The following ENOPH1 variants were observed in gnomAD, a reference collection of about 807,000 sequenced individuals.
The protein encoded by ENOPH1 is enolase-phosphatase 1.
In ENOPH1, 14 loss-of-function variants were observed where a neutral mutation model predicts 31.1. The ratio of observed to expected loss-of-function variants is 0.45; its 90% confidence interval spans 0.30 to 0.70. The LOEUF is 0.70. Among genes scored for constraint, ENOPH1 ranks in the 30% least tolerant of loss-of-function variants. The pLI, the probability that ENOPH1 is intolerant of heterozygous loss-of-function variation, is 0.09. For synonymous variants in ENOPH1, 127 were observed against 123.2 expected, an observed-to-expected ratio of 1.03 and a Z score of -0.21; for missense variants, 243 against 321.5, an observed-to-expected ratio of 0.76 and a Z score of 1.87.
At chr4:82,450,501 C>T (rs780467016) in intron 2 of ENOPH1, among the ~76,000 whole-genome samples, 6 of 152,196 alleles carry the variant, frequency 3.9e-5, no homozygotes, top group Non-Finnish European at 5.9e-5. Flanking sequence ...AATATGTACA[C>T]ATGTATCTTT....
At chr4:82,431,124 G>T (rs542223276) in intron 1 of ENOPH1, among the ~76,000 whole-genome samples, 215 of 152,292 alleles carry the variant, frequency 1.4e-3, no homozygotes, top group Non-Finnish European at 2.6e-3. Context: ...CCGCCCTTGC[G>T]CTTGGTTGGA....
chr4:82,444,095 G>A lies in ENOPH1; in HGVS notation c.85-3825G>A, dbSNP rs573509962. 1.7e-4 allele frequency among the ~76,000 whole-genome samples: 26 copies of A among 152,284 alleles called. No homozygotes were observed. In the East Asian group the frequency reaches 4.4e-3, roughly 26 times the overall value. On this transcript the variant is annotated intron_variant, in intron 1 of 5. Transcript: ENST00000273920. ...TCGCCATGTTGGCCAGGCTGGTCTCGAACTCCTGACTTCAAGTGATCCACC... is the reference window on the plus strand; with the variant it reads ...TCGCCATGTTGGCCAGGCTGGTCTCAAACTCCTGACTTCAAGTGATCCACC...
chr4:82,444,383 C>A (rs563145448), intron 1 of ENOPH1, among the ~76,000 whole-genome samples: 1 of 152,064 alleles, frequency 6.6e-6, no homozygotes, highest in African/African-American at 2.4e-5. Flanking sequence ...CACCACGCCC[C>A]GACTAATTTT....
intron 4 of ENOPH1, among the ~76,000 whole-genome samples, chr4:82,455,300 T>C (rs1722455894): frequency 6.6e-6 from 1 of 152,172 alleles, no homozygotes; most frequent in African/African-American, 2.4e-5. Context: ...AGCCCCTCTG[T>C]GTCATCATCC....
In ENOPH1 at chr4:82,441,439, G is replaced by A. The variant is rs140461008; in HGVS notation, c.85-6481G>A. Among the ~76,000 whole-genome samples the A allele has an allele frequency of 6.6e-5, 10 of 152,190 alleles. 1 individual carries two copies. The highest frequency in any genetic ancestry group is 1.9e-4 in the African/African-American group (8 of 41,516). On this transcript the variant is annotated intron_variant, in intron 1 of 5. Coordinates refer to ENST00000273920, the MANE Select transcript of ENOPH1 (RefSeq NM_021204.5). ...AGATCGAGACCATCCTGTTTAACAC[G>A]GTGAAACCCCGTTTCTGCTAAAAAT...
At position 82,430,800 on chromosome 4, in the gene ENOPH1, A is replaced by G. The variant is rs1309288725; in HGVS notation, c.-30A>G. On this transcript the variant is annotated 5_prime_UTR_variant, in exon 1 of 6. Coordinates refer to ENST00000273920, the MANE Select transcript of ENOPH1 (RefSeq NM_021204.5). The stretch of plus-strand genomic sequence containing the variant: ...GCCGCCCTCCGCCCTCCCCAACAGC[A>G]GGCCGAGTCCCGTAGCATCCGGTAG... 2 of 1,610,052 alleles carry G rather than the reference A, an allele frequency of 1.2e-6. No individual in the cohort carries two copies. Among genetic ancestry groups the G allele is most frequent in the Admixed American group, 3.3e-5 (2 of 59,998 alleles).
intron 1 of ENOPH1, among the ~76,000 whole-genome samples, chr4:82,432,344 C>A (rs1288621976): frequency 1.3e-5 from 2 of 151,906 alleles, no homozygotes; most frequent in African/African-American, 4.8e-5. Context: ...ATTTTCTCCA[C>A]GGTTTTTGTT....
chr4:82,457,461 C>T (rs1722519788), intron 5 of ENOPH1, among the ~76,000 whole-genome samples: 1 of 152,178 alleles, frequency 6.6e-6, no homozygotes, highest in Non-Finnish European at 1.5e-5. Flanking sequence ...CCGCAGTGAG[C>T]CGTGTTTGTG....
rs193041333 is a variant in ENOPH1 at position 82,450,041 on chromosome 4, A to G, written c.187-1002A>G. ...CTGCAGAGCTAACTCACTGGCAGTT[A>G]TTTTCTAGTTCTATATTGGATACTG... On this transcript the variant is annotated intron_variant, in intron 2 of 5. Coordinates refer to ENST00000273920, the MANE Select transcript of ENOPH1 (RefSeq NM_021204.5). Among the ~76,000 whole-genome samples, 3 of 151,840 alleles carry G rather than the reference A, an allele frequency of 2.0e-5. No homozygotes were observed. The East Asian group carries it at 5.8e-4, about 29-fold the overall frequency.
At chr4:82,444,564 TAAA>T (rs1717790462) in intron 1 of ENOPH1, among the ~76,000 whole-genome samples, 1 of 152,206 alleles carries the variant, frequency 6.6e-6, no homozygotes, top group African/African-American at 2.4e-5. Context: ...CACGTGACCG[TAAA>T]GCATATCCAT....
intron 3 of ENOPH1, 38 bp from the exon 4 acceptor site, chr4:82,454,684 G>C: frequency 1.9e-6 from 3 of 1,599,930 alleles, no homozygotes; most frequent in Non-Finnish European, 2.6e-6. Context: ...GGCTAGATGA[G>C]GTGTTCCTGT....
At chr4:82,438,158 C>A (rs553932062) in intron 1 of ENOPH1, among the ~76,000 whole-genome samples, 5 of 152,248 alleles carry the variant, frequency 3.3e-5, no homozygotes, top group East Asian at 3.9e-4. Flanking sequence ...TTCTACCCCC[C>A]CAAATATTCT....
intron 1 of ENOPH1, among the ~76,000 whole-genome samples, chr4:82,434,004 G>A (rs980492801): frequency 2.6e-5 from 4 of 152,082 alleles, no homozygotes; most frequent in African/African-American, 9.7e-5. Flanking sequence ...TACTGTATAC[G>A]TGCAGTACTC....
rs369075081 is a variant in ENOPH1, at chr4:82,450,144, T to G, written c.187-899T>G. 7.2e-4 allele frequency among the ~76,000 whole-genome samples: 110 copies of G among 152,348 alleles called. 2 individuals are homozygous for G. In the South Asian group the frequency reaches 0.022, roughly 31 times the overall value. On this transcript the variant is annotated intron_variant, in intron 2 of 5. Transcript: ENST00000273920. Reference sequence around the variant, plus strand: ...GTTATGTCCTTTGGGCATGGAATATTTGGGATTTTAATTTTCTGGATAACT... The same window carrying G: ...GTTATGTCCTTTGGGCATGGAATATGTGGGATTTTAATTTTCTGGATAACT...
At chr4:82,458,521 AAAAT>A (rs1277193146) in intron 5 of ENOPH1, among the ~76,000 whole-genome samples, 1 of 152,216 alleles carries the variant, frequency 6.6e-6, no homozygotes, top group East Asian at 1.9e-4. Flanking sequence ...AAAACACAAT[AAAAT>A]AAAAAATAAA....
rs567507245 is a variant in ENOPH1 at position 82,442,831 on chromosome 4, TTTG to T, written c.85-5079_85-5077del. 9.8e-4 allele frequency among the ~76,000 whole-genome samples: 149 copies of T among 152,282 alleles called. 1 individual carries two copies. The highest frequency in any genetic ancestry group is 3.1e-3 in the African/African-American group (127 of 41,570). ...GGAACCATCAAGCCAGTTAATTTTG[TTTG>T]TTGTTGTTGAGACAGAGTCCTGCTC... On this transcript the variant is annotated intron_variant, in intron 1 of 5. Coordinates refer to ENST00000273920, the MANE Select transcript of ENOPH1 (RefSeq NM_021204.5).
chr4:82,447,656 T>G (rs1438210497), intron 1 of ENOPH1, among the ~76,000 whole-genome samples: 1 of 152,200 alleles, frequency 6.6e-6, no homozygotes, highest in Non-Finnish European at 1.5e-5. Context: ...AATAAATGAG[T>G]GTGGCTATGT....
chr4:82,432,928 C>A (rs556746090), intron 1 of ENOPH1, among the ~76,000 whole-genome samples: 25 of 152,356 alleles, frequency 1.6e-4, no homozygotes, highest in African/African-American at 5.5e-4. Context: ...CGTTTTTAAT[C>A]ACACCAGAGA....
rs574154738 is a variant in ENOPH1, at chr4:82,457,095, A to G, written c.646+57A>G. On this transcript the variant is annotated intron_variant, in intron 5 of 5. Coordinates refer to ENST00000273920, the MANE Select transcript of ENOPH1 (RefSeq NM_021204.5). ...CAGGATATGAACTGAGCCTGGCACT[A>G]CAAATACATTGCCTCTTTAAAGAAA... is the stretch of plus-strand genomic sequence containing the variant. The G allele has an allele frequency of 1.9e-5, 28 of 1,494,026 alleles. No individual in the cohort carries two copies. In the African/African-American group the frequency reaches 2.7e-4, roughly 14 times the overall value. 92.5% of individuals were successfully genotyped at this position (1,494,026 alleles called of 1,614,324 possible).
Sources: gnomAD v4.1 joint callset for allele counts (sites outside exome capture counted in the v4.1 genomes callset) on GRCh38, gnomAD v4.1.1 for gene constraint, MANE v1.5 for transcripts, NCBI Gene and HGNC (gene_info 2026-07-23, HGNC 2026-07-21) for gene names.